RBFOX1: variants seen among roughly 807,000 people sequenced by gnomAD.
RBFOX1 encodes the protein RNA binding protein fox-1 homolog 1.
Under a neutral mutation model 57.7 loss-of-function variants are expected in RBFOX1, and 8 were observed. That is an observed-to-expected ratio of 0.14 (90% CI 0.08 to 0.25). RBFOX1 has a LOEUF of 0.25. Among genes scored for constraint, RBFOX1 ranks in the 10% least tolerant of loss-of-function variants. The pLI, the probability that RBFOX1 is intolerant of heterozygous loss-of-function variation, is 1.00. For missense variants in RBFOX1, 611 were observed against 548.5 expected, an observed-to-expected ratio of 1.11 and a Z score of -1.14; for synonymous variants, 326 against 222.4, an observed-to-expected ratio of 1.47 and a Z score of -4.15.
At chr16:5,406,971 G>T (rs191053075) in intron 1 of RBFOX1, among the ~76,000 whole-genome samples, 76 of 152,138 alleles carry the variant, frequency 5.0e-4, no homozygotes, top group African/African-American at 1.8e-3. Context: ...TTTGAGTGAT[G>T]TATTAGTCCA....
Position 7,244,199 on chromosome 16 carries a change from C to G in RBFOX1, c.27+192101C>G, listed in dbSNP as rs565877985. 3.6e-5 allele frequency among the ~76,000 whole-genome samples: 5 copies of G among 139,334 alleles called. No individual in the cohort carries two copies. The East Asian group carries it at 1.1e-3, about 30-fold the overall frequency. The allele number at this position is 139,334 out of a possible 152,430, so 91.4% of individuals were successfully genotyped here. On this transcript the variant is annotated intron_variant, in intron 4 of 15. Transcript: ENST00000550418. ...TAAATAAACATTTATAATAATATAT[C>G]TTTCATCCCTTCTTCAGAGTCTGTT...
At chr16:6,904,343 G>T (rs1417233734) in intron 3 of RBFOX1, among the ~76,000 whole-genome samples, 1 of 152,064 alleles carries the variant, frequency 6.6e-6, no homozygotes, top group African/African-American at 2.4e-5. Context: ...GCTCATGCCT[G>T]TAATCCCAGC....
At chr16:6,807,700 G>A (rs140125858) in intron 3 of RBFOX1, among the ~76,000 whole-genome samples, 1 of 151,938 alleles carries the variant, frequency 6.6e-6, no homozygotes, top group African/African-American at 2.4e-5. Flanking sequence ...CCTGTAATCG[G>A]AGCTACTCGG....
chr16:6,079,330 G>A (rs1268433766), intron 1 of RBFOX1, among the ~76,000 whole-genome samples: 1 of 151,892 alleles, frequency 6.6e-6, no homozygotes, highest in Non-Finnish European at 1.5e-5. Context: ...AATAAATAGG[G>A]AGATAGGGTC....
At chr16:7,705,884 A>T (rs147309502) in intron 14 of RBFOX1, among the ~76,000 whole-genome samples, 2 of 152,264 alleles carry the variant, frequency 1.3e-5, no homozygotes, top group Non-Finnish European at 2.9e-5. Flanking sequence ...GATGGATGGG[A>T]AGTGGGCACA....
At chr16:6,524,401 C>T (rs183243471) in intron 2 of RBFOX1, among the ~76,000 whole-genome samples, 44 of 152,302 alleles carry the variant, frequency 2.9e-4, no homozygotes, top group Admixed American at 1.4e-3. Flanking sequence ...TGTTGATGGG[C>T]ACTTAGGTTA....
intron 3 of RBFOX1, among the ~76,000 whole-genome samples, chr16:5,633,022 T>G (rs997570511): frequency 6.7e-6 from 1 of 149,396 alleles, no homozygotes; most frequent in African/African-American, 2.5e-5. Flanking sequence ...CACTGCATCC[T>G]CTACCTCCCA....
chr16:5,346,953 C>T (rs1027172707), intron 1 of RBFOX1, among the ~76,000 whole-genome samples: 2 of 152,154 alleles, frequency 1.3e-5, no homozygotes, highest in Non-Finnish European at 2.9e-5. Context: ...TAATTGTTCA[C>T]TGATATCTGG....
chr16:5,831,097 C>T (rs181888619), intron 3 of RBFOX1, among the ~76,000 whole-genome samples: 89 of 152,260 alleles, frequency 5.8e-4, no homozygotes, highest in Non-Finnish European at 1.1e-3. Context: ...CAGTACGTGC[C>T]ACAGAGTAGG....
chr16:6,637,129 T>A (rs1196283165), intron 2 of RBFOX1, among the ~76,000 whole-genome samples: 3 of 97,336 alleles, frequency 3.1e-5, no homozygotes, highest in Admixed American at 1.8e-4. Context: ...AAATTTATAT[T>A]ATATATTAAA....
At chr16:7,321,456 T>C (rs940138759) in intron 4 of RBFOX1, among the ~76,000 whole-genome samples, 1 of 152,044 alleles carries the variant, frequency 6.6e-6, no homozygotes, top group Admixed American at 6.6e-5. Context: ...CAGAGAAATA[T>C]GTTTTCAAAA....
At chr16:5,810,090 C>G (rs916590044) in intron 3 of RBFOX1, among the ~76,000 whole-genome samples, 1 of 151,598 alleles carries the variant, frequency 6.6e-6, no homozygotes, top group Non-Finnish European at 1.5e-5. Flanking sequence ...AAACCAAACA[C>G]CATATATTCT....
intron 1 of RBFOX1, among the ~76,000 whole-genome samples, chr16:5,460,073 C>T (rs142968251): frequency 0.012 from 1,774 of 152,168 alleles, 12 homozygotes; most frequent in Non-Finnish European, 0.02. Context: ...GATGGGGAGA[C>T]AGGTAAGGAG....
At chr16:7,506,905 G>C (rs921262196) in intron 4 of RBFOX1, among the ~76,000 whole-genome samples, 5 of 152,130 alleles carry the variant, frequency 3.3e-5, no homozygotes, top group African/African-American at 1.2e-4. Context: ...AACTTCACTG[G>C]ACTGGAAGGA....
chr16:7,296,259 CTT>C (rs33997825), intron 4 of RBFOX1, among the ~76,000 whole-genome samples: 9,793 of 119,622 alleles, frequency 0.082, 417 homozygotes, highest in South Asian at 0.18. Context: ...TTATGTCCTC[CTT>C]TTTTTTTTTT....
At chr16:6,008,177 C>T (rs976331526) in intron 4 of RBFOX1, among the ~76,000 whole-genome samples, 9 of 151,872 alleles carry the variant, frequency 5.9e-5, no homozygotes, top group African/African-American at 9.7e-5. Flanking sequence ...TGTACTCCAG[C>T]CTGGGTGGCA....
intron 5 of RBFOX1, among the ~76,000 whole-genome samples, chr16:7,521,428 AG>A (rs1216390637): frequency 1.3e-5 from 2 of 152,206 alleles, no homozygotes; most frequent in African/African-American, 2.4e-5. Flanking sequence ...ATAAAAAGAA[AG>A]GGTTAGTGAT....
At chr16:7,076,249 G>C (rs930686210) in intron 4 of RBFOX1, among the ~76,000 whole-genome samples, 2 of 151,556 alleles carry the variant, frequency 1.3e-5, no homozygotes, top group Non-Finnish European at 2.9e-5. Context: ...GGCCAGGATG[G>C]TCTTGATCTC....
intron 4 of RBFOX1, among the ~76,000 whole-genome samples, chr16:5,955,396 T>C (rs184272235): frequency 0.017 from 1,268 of 74,074 alleles, 111 homozygotes; most frequent in African/African-American, 0.062. Flanking sequence ...TAAAATAAAA[T>C]AAAATAAAAT....
Sources: gnomAD v4.1 joint callset for allele counts (sites outside exome capture counted in the v4.1 genomes callset) on GRCh38, gnomAD v4.1.1 for gene constraint, MANE v1.5 for transcripts, NCBI Gene and HGNC (gene_info 2026-07-23, HGNC 2026-07-21) for gene names.